Variants in CCDC30 observed in about 807,000 individuals in gnomAD.
CCDC30 encodes the protein coiled-coil domain-containing protein 30.
Under a neutral mutation model 100.2 loss-of-function variants are expected in CCDC30, and 70 were observed. That is an observed-to-expected ratio of 0.70 (90% CI 0.58 to 0.85). The LOEUF is 0.85. CCDC30 is among the 40% of genes least tolerant of loss of function. The pLI is 0.00. For synonymous variants in CCDC30, 233 were observed against 269.5 expected (o/e 0.86, Z 1.33); for missense variants, 652 against 771.2 (o/e 0.85, Z 1.83).
At chr1:42,625,431 T>G (rs1213772846) in intron 11 of CCDC30, among the ~76,000 whole-genome samples, 1 of 152,186 alleles carries the variant, frequency 6.6e-6, no homozygotes, top group Admixed American at 6.5e-5. Flanking sequence ...TCATTTGCTC[T>G]TGTTTCTCTA....
intron 8 of CCDC30, among the ~76,000 whole-genome samples, chr1:42,579,695 G>A (rs1294979542): frequency 6.7e-6 from 1 of 149,718 alleles, no homozygotes; most frequent in Non-Finnish European, 1.5e-5. Context: ...AAGGGAGGAA[G>A]GGAGGAAGGA....
exon 11 of CCDC30, chr1:42,611,016 T>A (rs1261943488): frequency 4.3e-6 from 7 of 1,612,692 alleles, no homozygotes; most frequent in Non-Finnish European, 5.1e-6. Flanking sequence ...AGAAGCTATC[T>A]AAGCTACAGC....
At chr1:42,482,867 A>T (rs893312491) in intron 3 of CCDC30, 51 bp downstream of exon 3, 1 of 1,144,944 alleles carries the variant, frequency 8.7e-7, no homozygotes, top group Non-Finnish European at 1.1e-6. Context: ...AACTGTACTG[A>T]TCTCATCTCA....
At chr1:42,592,793 C>T (rs910904286) in intron 10 of CCDC30, 4 of 152,178 alleles carry the variant, frequency 2.6e-5, no homozygotes, top group Non-Finnish European at 1.5e-5. Flanking sequence ...TTGCTCCTCT[C>T]ACCATATGAC....
intron 6 of CCDC30, among the ~76,000 whole-genome samples, chr1:42,512,051 G>A (rs756178387): frequency 1.1e-4 from 17 of 152,196 alleles, no homozygotes; most frequent in Non-Finnish European, 2.4e-4. Flanking sequence ...TATTCCTTAC[G>A]GGAAACAAAG....
At chr1:42,617,879 G>A (rs551139570) in intron 11 of CCDC30, among the ~76,000 whole-genome samples, 45 of 152,264 alleles carry the variant, frequency 3.0e-4, no homozygotes, top group African/African-American at 1.0e-3. Context: ...CTAGTCCCCA[G>A]GCAAGAAGGG....
exon 15 of CCDC30, chr1:42,646,188 T>A: frequency 6.3e-7 from 1 of 1,599,402 alleles, no homozygotes; most frequent in Non-Finnish European, 8.5e-7. Flanking sequence ...AGCTGGCTTC[T>A]CTCCCTCCAA....
In CCDC30 at chr1:42,572,745, T is replaced by C. The variant is rs540875792; in HGVS notation, c.637-4275T>C. 7.9e-5 allele frequency among the ~76,000 whole-genome samples: 12 copies of C among 152,298 alleles called. 1 individual carries two copies. The highest frequency in any genetic ancestry group is 2.9e-4 in the African/African-American group (12 of 41,568). ...AGTTCTTCTGCCTCGGCCTCCCGAA[T>C]AGCTGGGATTACAGGCACACACCAC... On this transcript the variant is annotated intron_variant, in intron 7 of 16. Coordinates refer to ENST00000668663, the Ensembl canonical transcript of CCDC30.
intron 7 of CCDC30, among the ~76,000 whole-genome samples, chr1:42,568,274 C>G (rs1036064371): frequency 7.2e-5 from 11 of 152,214 alleles, no homozygotes; most frequent in Non-Finnish European, 1.3e-4. Context: ...GTCACCACGC[C>G]CAGCTAATTT....
chr1:42,514,646 T>C (rs914299457), intron 6 of CCDC30, among the ~76,000 whole-genome samples: 1 of 152,136 alleles, frequency 6.6e-6, no homozygotes, highest in African/African-American at 2.4e-5. Context: ...TAGTCTCTTA[T>C]GTGTTTTGTT....
At chr1:42,556,481 A>G in intron 6 of CCDC30, 76 bp downstream of exon 10, 1 of 1,437,212 alleles carries the variant, frequency 7.0e-7, no homozygotes, top group South Asian at 1.5e-5. Context: ...CATTTTAAAT[A>G]CCATCATTCA....
At chr1:42,644,562 CT>C (rs1647720090) in intron 13 of CCDC30, 130 bp from the exon 18 acceptor site, 8 of 617,566 alleles carry the variant, frequency 1.3e-5, no homozygotes, top group Non-Finnish European at 2.3e-5. Flanking sequence ...GGGAATTATT[CT>C]GTCAAACTTG....
intron 6 of CCDC30, among the ~76,000 whole-genome samples, chr1:42,550,446 C>T (rs113382920): frequency 1.3e-5 from 2 of 152,296 alleles, no homozygotes; most frequent in African/African-American, 4.8e-5. Context: ...TTACCATGAC[C>T]CATAAGGCCC....
rs149905366 is a variant in CCDC30, at chr1:42,630,898, C to T, written c.1278-6339C>T. 6.8e-3 allele frequency among the ~76,000 whole-genome samples: 1,031 copies of T among 152,176 alleles called. 11 individuals carry two copies. The highest frequency in any genetic ancestry group is 0.024 in the African/African-American group (983 of 41,500). ...TATTATCTTTAATTTCTTTGAGTTT[C>T]TTCAGAACAGCTATTTTGAATTTTC... On this transcript the variant is annotated intron_variant, in intron 11 of 16. Coordinates refer to ENST00000668663, the Ensembl canonical transcript of CCDC30.
At chr1:42,459,478 C>A, upstream of CCDC30, 1 of 859,676 alleles carries the variant, frequency 1.2e-6, no homozygotes, top group Non-Finnish European at 1.8e-6. Context: ...TTAAACTAAA[C>A]ATTTAACTGA....
chr1:42,610,884 CTTT>C (rs34595968), intron 10 of CCDC30, 91 bp from the exon 15 acceptor site: 18,176 of 480,492 alleles, frequency 0.038, 2 homozygotes, highest in South Asian at 0.046. Flanking sequence ...TGACTATAAG[CTTT>C]TTTTTTTTTT....
At chr1:42,487,403 C>T (rs752591428) in intron 3 of CCDC30, among the ~76,000 whole-genome samples, 4 of 151,684 alleles carry the variant, frequency 2.6e-5, no homozygotes, top group Non-Finnish European at 5.9e-5. Flanking sequence ...AGAGCCCCAC[C>T]CCCTGGTATA....
chr1:42,529,937 C>CTAAGTTAAATAAGCAACTTAAAA (rs1300717186), intron 6 of CCDC30, among the ~76,000 whole-genome samples: 5 of 152,208 alleles, frequency 3.3e-5, no homozygotes, highest in Admixed American at 1.3e-4. Context: ...ATAAGCAACT[C>CTAAGTTAAATAAGCAACTTAAAA]ATAAGTTTTA....
chr1:42,457,955 CAA>C, the CCDC30 span, among the ~76,000 whole-genome samples: 5 of 101,100 alleles, frequency 4.9e-5, no homozygotes, highest in Admixed American at 1.1e-4. Flanking sequence ...TACTCCGTCG[CAA>C]AAAAAAAAAA....
Sources: allele counts gnomAD v4.1 joint callset (sites outside exome capture counted in the v4.1 genomes callset), GRCh38; gene constraint gnomAD v4.1.1; transcripts MANE v1.5; gene names NCBI Gene and HGNC (gene_info 2026-07-23, HGNC 2026-07-21).